CPNE8: variants seen among roughly 807,000 people sequenced by gnomAD.
CPNE8 encodes the protein copine 8.
In CPNE8, 45 loss-of-function variants were observed where a neutral mutation model predicts 81.5. That is an observed-to-expected ratio of 0.55 (90% confidence interval 0.44 to 0.71). CPNE8 has a LOEUF of 0.71. CPNE8 is among the 30% of genes least tolerant of loss of function. The pLI is 0.00. For missense variants in CPNE8, 594 were observed against 672.1 expected (o/e 0.88, Z 1.28); for synonymous variants, 252 against 226.3 (o/e 1.11, Z -1.02).
chr12:38,830,508 G>T (rs1235168679), intron 5 of CPNE8, among the ~76,000 whole-genome samples: 1 of 152,152 alleles, frequency 6.6e-6, no homozygotes, highest in African/African-American at 2.4e-5. Context: ...ATGTGAAGTT[G>T]TTCCAGGGAA....
In CPNE8 at chr12:38,675,700, G is replaced by T. The variant is rs776141018; in HGVS notation, c.1432+17C>A. 29 of 1,532,520 alleles carry T rather than the reference G, an allele frequency of 1.9e-5. No homozygotes were observed. The East Asian group carries it at 6.1e-4, about 32-fold the overall frequency. 94.9% of individuals were successfully genotyped at this position (1,532,520 alleles called of 1,614,324 possible). On this transcript the variant is annotated intron_variant, in intron 18 of 19. Transcript: ENST00000331366. ...AAATGAACTCCCAAGGAATATTATT[G>T]AAATTTTACTACTCACCATCAAATT...
rs369878755 is a variant in CPNE8, at chr12:38,730,559, T to C, written c.723-201A>G. ...ATCTAAAATTATGTATGCCGGACAATTTCATTAATATTCAAATGTTTAATT... is the reference window on the plus strand; with the variant it reads ...ATCTAAAATTATGTATGCCGGACAACTTCATTAATATTCAAATGTTTAATT... On this transcript the variant is annotated intron_variant, in intron 10 of 19. Coordinates refer to ENST00000331366, the MANE Select transcript of CPNE8 (RefSeq NM_153634.3). 8.3e-4 allele frequency among the ~76,000 whole-genome samples: 126 copies of C among 151,846 alleles called. No individual in the cohort carries two copies. The East Asian group carries it at 9.1e-3, about 11-fold the overall frequency.
intron 10 of CPNE8, among the ~76,000 whole-genome samples, chr12:38,752,617 A>AGGCAGATTTAGT (rs1465764187): frequency 6.6e-6 from 1 of 152,210 alleles, no homozygotes; most frequent in Non-Finnish European, 1.5e-5. Context: ...GAGAGAGAAA[A>AGGCAGATTTAGT]GGCAGATTTA....
At chr12:38,672,233 C>T (rs1939190796) in intron 18 of CPNE8, among the ~76,000 whole-genome samples, 1 of 152,188 alleles carries the variant, frequency 6.6e-6, no homozygotes, top group Non-Finnish European at 1.5e-5. Context: ...TTTCCACAGT[C>T]TTCTACAATC....
chr12:38,892,043 A>G (rs1427386175), intron 1 of CPNE8, among the ~76,000 whole-genome samples: 3 of 152,250 alleles, frequency 2.0e-5, no homozygotes, highest in Non-Finnish European at 4.4e-5. Context: ...ATTAATTCCA[A>G]TTTCAAGAAT....
At chr12:38,735,262 AAGAC>A (rs1940926562) in intron 10 of CPNE8, among the ~76,000 whole-genome samples, 2 of 31,562 alleles carry the variant, frequency 6.3e-5, no homozygotes, top group African/African-American at 1.8e-4. Flanking sequence ...ACGAAAATGA[AAGAC>A]CCCTTGGACT....
chr12:38,703,380 C>A (rs138702032), intron 13 of CPNE8, among the ~76,000 whole-genome samples: 1 of 152,164 alleles, frequency 6.6e-6, no homozygotes, highest in African/African-American at 2.4e-5. Context: ...TTTTGACAAT[C>A]CCCCAAACAC....
At chr12:38,705,551 G>A (rs891498506) in intron 13 of CPNE8, among the ~76,000 whole-genome samples, 1 of 152,124 alleles carries the variant, frequency 6.6e-6, no homozygotes, top group African/African-American at 2.4e-5. Flanking sequence ...ACACTAACCA[G>A]CATGAACCTA....
intron 6 of CPNE8, among the ~76,000 whole-genome samples, chr12:38,813,086 G>T (rs958014375): frequency 2.0e-5 from 3 of 152,168 alleles, no homozygotes; most frequent in African/African-American, 7.2e-5. Flanking sequence ...AAACTGCTTG[G>T]TCTCAAGTGC....
intron 19 of CPNE8, among the ~76,000 whole-genome samples, chr12:38,656,102 T>TAAA (rs34646191): frequency 2.2e-4 from 31 of 141,960 alleles, no homozygotes; most frequent in South Asian, 4.4e-4. Context: ...ATCAAAGAGG[T>TAAA]AAAAAAAAAA....
At chr12:38,697,067 A>G (rs1358729531) in intron 14 of CPNE8, among the ~76,000 whole-genome samples, 1 of 152,196 alleles carries the variant, frequency 6.6e-6, no homozygotes, top group Non-Finnish European at 1.5e-5. Flanking sequence ...AAACAAAATA[A>G]AACAAAGAAC....
intron 10 of CPNE8, among the ~76,000 whole-genome samples, chr12:38,754,115 A>G (rs1161812949): frequency 6.6e-6 from 1 of 152,246 alleles, no homozygotes; most frequent in African/African-American, 2.4e-5. Flanking sequence ...AAACCTTCAT[A>G]CAAATGACAG....
chr12:38,744,078 G>A (rs905297375), intron 10 of CPNE8, among the ~76,000 whole-genome samples: 1 of 152,130 alleles, frequency 6.6e-6, no homozygotes, highest in Non-Finnish European at 1.5e-5. Flanking sequence ...GAAAAGTTAA[G>A]TATCTGTGCT....
At chr12:38,906,743 C>A (rs2137180751), upstream of CPNE8, 1 of 370,484 alleles carries the variant, frequency 2.7e-6, no homozygotes, top group African/African-American at 2.2e-5. Context: ...CCGCGCCTTC[C>A]CTCCTGCCTC....
At chr12:38,724,984 C>T in intron 11 of CPNE8, 85 bp from the exon 12 acceptor site, 2 of 1,157,286 alleles carry the variant, frequency 1.7e-6, no homozygotes, top group Non-Finnish European at 2.5e-6. Context: ...GAAGTTTAAC[C>T]TGCTGCCTTC....
At chr12:38,774,703 G>A (rs1197728072) in intron 7 of CPNE8, among the ~76,000 whole-genome samples, 3 of 151,908 alleles carry the variant, frequency 2.0e-5, no homozygotes, top group Admixed American at 2.0e-4. Flanking sequence ...AAGTAGTCAA[G>A]TGTCTTGATT....
chr12:38,724,804 A>G (rs1332826022), intron 12 of CPNE8, 42 bp downstream of exon 12: 1 of 1,286,170 alleles, frequency 7.8e-7, no homozygotes, highest in Non-Finnish European at 1.1e-6. Context: ...ATGCTTATTC[A>G]TTTATTTTAA....
intron 19 of CPNE8, among the ~76,000 whole-genome samples, chr12:38,668,217 G>C (rs1939101987): frequency 6.6e-6 from 1 of 152,164 alleles, no homozygotes; most frequent in South Asian, 2.1e-4. Context: ...AACATCATGG[G>C]AGGGGCAAAG....
chr12:38,782,348 A>G (rs1016919902), intron 6 of CPNE8, among the ~76,000 whole-genome samples: 2 of 152,194 alleles, frequency 1.3e-5, no homozygotes, highest in African/African-American at 2.4e-5. Flanking sequence ...AGAGGAAAAT[A>G]TACCTATAAT....
Sources: allele counts gnomAD v4.1 joint callset (sites outside exome capture counted in the v4.1 genomes callset), GRCh38; gene constraint gnomAD v4.1.1; transcripts MANE v1.5; gene names NCBI Gene and HGNC (gene_info 2026-07-23, HGNC 2026-07-21).